KLHL29: variants seen among roughly 807,000 people sequenced by gnomAD.
KLHL29 encodes kelch like family member 29, also known as kelch-like protein 29.
In KLHL29, 21 loss-of-function variants were observed where a neutral mutation model predicts 80.4. That is an observed-to-expected ratio of 0.26 (90% CI 0.19 to 0.38). The LOEUF (loss-of-function observed/expected upper bound fraction) is 0.38, where lower values mean the gene tolerates loss of function less well. KLHL29 is among the 10% of genes least tolerant of loss of function. KLHL29 has a pLI of 1.00. For synonymous variants in KLHL29, 511 were observed against 526.8 expected (o/e 0.97, Z 0.41); for missense variants, 867 against 1,223.9 (o/e 0.71, Z 4.35).
At chr2:23,539,863 G>C (rs1179426925) in intron 2 of KLHL29, among the ~76,000 whole-genome samples, 1 of 152,086 alleles carries the variant, frequency 6.6e-6, no homozygotes, top group Non-Finnish European at 1.5e-5. Context: ...CAGTCTGAGC[G>C]ATTATCCCCT....
intron 3 of KLHL29, among the ~76,000 whole-genome samples, chr2:23,601,278 C>T (rs1321131373): frequency 1.3e-5 from 2 of 152,074 alleles, no homozygotes; most frequent in East Asian, 1.9e-4. Context: ...TTTGCTCAGC[C>T]GAGAAAATTC....
intron 1 of KLHL29, among the ~76,000 whole-genome samples, chr2:23,428,913 A>G (rs1663081776): frequency 6.6e-6 from 1 of 152,166 alleles, no homozygotes; most frequent in South Asian, 2.1e-4. Context: ...ATATATAGAA[A>G]GTTCTACACC....
chr2:23,460,553 T>TTAA (rs1664181345), intron 1 of KLHL29, among the ~76,000 whole-genome samples: 1 of 151,936 alleles, frequency 6.6e-6, no homozygotes. Context: ...AATGGCTAGA[T>TTAA]TAATATGTGC....
Position 23,385,737 on chromosome 2 carries a change from G to C in KLHL29, c.-197G>C, listed in dbSNP as rs1666156244. On this transcript the variant is annotated 5_prime_UTR_variant, in exon 1 of 14. Transcript: ENST00000486442. ...CCCTCCTGCGCCCACCCGCGACCCC[G>C]GGCTCTCTGCGCGTCGGGCCGGGGC... 1 of 158,822 alleles carries C rather than the reference G, an allele frequency of 6.3e-6. No individual in the cohort carries two copies. The highest frequency in any genetic ancestry group is 1.5e-5 in the Non-Finnish European group (1 of 67,434). The allele number at this position is 158,822 out of a possible 1,614,324, so 9.8% of individuals were successfully genotyped here.
chr2:23,640,833 G>T (rs932868773), intron 4 of KLHL29, among the ~76,000 whole-genome samples: 3 of 152,338 alleles, frequency 2.0e-5, no homozygotes, highest in Admixed American at 6.5e-5. Flanking sequence ...TCGTACCGTG[G>T]TCTATGTGAC....
chr2:23,461,987 T>TTTTTTTTTTTTTTTTA (rs1255962353), intron 1 of KLHL29, among the ~76,000 whole-genome samples: 46 of 150,870 alleles, frequency 3.0e-4, no homozygotes, highest in African/African-American at 1.1e-3. Context: ...TTTTTTTTTT[T>TTTTTTTTTTTTTTTTA]TTAATGACAA....
chr2:23,506,381 T>G (rs955355635), intron 2 of KLHL29, among the ~76,000 whole-genome samples: 1 of 152,198 alleles, frequency 6.6e-6, no homozygotes, highest in Admixed American at 6.5e-5. Context: ...ATACCTTCCC[T>G]AGTAACAGAG....
intron 2 of KLHL29, among the ~76,000 whole-genome samples, chr2:23,559,891 C>A (rs549782743): frequency 6.6e-6 from 1 of 152,022 alleles, no homozygotes; most frequent in East Asian, 1.9e-4. Flanking sequence ...GAAGAGGAGC[C>A]CGCCAAGGAG....
At chr2:23,519,330 TC>T (rs1205206882) in intron 2 of KLHL29, among the ~76,000 whole-genome samples, 1 of 103,426 alleles carries the variant, frequency 9.7e-6, no homozygotes, top group Admixed American at 1.0e-4. Context: ...CGTCCTCCCC[TC>T]CCCCCCAGGC....
At chr2:23,394,229 G>A (rs146905890) in intron 1 of KLHL29, among the ~76,000 whole-genome samples, 12 of 152,238 alleles carry the variant, frequency 7.9e-5, no homozygotes, top group Admixed American at 5.9e-4. Context: ...CACTTTTCAC[G>A]TCTTCCAGCT....
rs1668435822 is a variant in KLHL29, at chr2:23,597,307, ATATGTGTGTGTG to A, written c.285+34828_285+34839del. Among the ~76,000 whole-genome samples the A allele has an allele frequency of 1.5e-3, 156 of 106,610 alleles. 1 individual carries two copies. The highest frequency in any genetic ancestry group is 6.3e-3 in the African/African-American group (147 of 23,480). 69.9% of individuals were successfully genotyped at this position (106,610 alleles called of 152,430 possible). A position where few individuals can be genotyped will look rare whatever the true frequency, so the allele number is the denominator to read the frequency against. On this transcript the variant is annotated intron_variant, in intron 3 of 13. Coordinates refer to ENST00000486442, the MANE Select transcript of KLHL29 (RefSeq NM_052920.2). Reference sequence around the variant, plus strand: ...ATCTCTCTCTCTCTCATATATATATATATGTGTGTGTGTGTGTGTGTGTGTGTGTGTGTGTGT... The same window carrying A: ...ATCTCTCTCTCTCTCATATATATATATGTGTGTGTGTGTGTGTGTGTGTGT...
chr2:23,428,778 C>T (rs907886453), intron 1 of KLHL29, among the ~76,000 whole-genome samples: 6 of 152,178 alleles, frequency 3.9e-5, no homozygotes, highest in Non-Finnish European at 5.9e-5. Flanking sequence ...AAAGATTTTA[C>T]ATGATGCAAG....
intron 1 of KLHL29, among the ~76,000 whole-genome samples, chr2:23,439,634 T>C (rs1047353244): frequency 1.3e-5 from 2 of 152,246 alleles, no homozygotes; most frequent in Non-Finnish European, 2.9e-5. Context: ...AGTGAGTTTC[T>C]TAATCCTGAG....
chr2:23,446,203 A>AG (rs1416742953), intron 1 of KLHL29, among the ~76,000 whole-genome samples: 1 of 120,270 alleles, frequency 8.3e-6, no homozygotes, highest in Admixed American at 8.1e-5. Flanking sequence ...ATGCATTTGG[A>AG]GTTTTTTTTT....
intron 5 of KLHL29, among the ~76,000 whole-genome samples, chr2:23,652,238 A>C (rs1250037302): frequency 3.9e-5 from 6 of 152,204 alleles, no homozygotes; most frequent in Non-Finnish European, 8.8e-5. Flanking sequence ...CATTGGATAT[A>C]TTTCCCATGA....
intron 1 of KLHL29, among the ~76,000 whole-genome samples, chr2:23,408,802 G>A (rs1443321281): frequency 6.6e-6 from 1 of 152,114 alleles, no homozygotes; most frequent in Non-Finnish European, 1.5e-5. Flanking sequence ...GCCTCTCGTT[G>A]TGTCTTCACA....
intron 2 of KLHL29, among the ~76,000 whole-genome samples, chr2:23,491,894 C>T (rs1469852816): frequency 6.6e-6 from 1 of 152,186 alleles, no homozygotes; most frequent in Non-Finnish European, 1.5e-5. Flanking sequence ...GAGTGCATCT[C>T]GCCTCCACGT....
chr2:23,559,011 A>C (rs1321862871), intron 2 of KLHL29, among the ~76,000 whole-genome samples: 1 of 151,930 alleles, frequency 6.6e-6, no homozygotes, highest in Non-Finnish European at 1.5e-5. Context: ...CCATTTGCTC[A>C]GGGGACTGGA....
intron 2 of KLHL29, among the ~76,000 whole-genome samples, chr2:23,484,863 A>G (rs1664886964): frequency 6.6e-6 from 1 of 151,994 alleles, no homozygotes; most frequent in South Asian, 2.1e-4. Context: ...GACCTACCTG[A>G]GTGTTCATAT....
Sources: gnomAD v4.1 joint callset for allele counts (sites outside exome capture counted in the v4.1 genomes callset) on GRCh38, gnomAD v4.1.1 for gene constraint, MANE v1.5 for transcripts, NCBI Gene and HGNC (gene_info 2026-07-23, HGNC 2026-07-21) for gene names.